Variants in SYT1 observed in about 807,000 individuals in gnomAD.
SYT1 encodes synaptotagmin-1.
SYT1 carries 8 observed loss-of-function variants against 44.8 expected under a neutral mutation model. The observed-to-expected ratio is 0.18, with a 90% CI of 0.10 to 0.32. The LOEUF (loss-of-function observed/expected upper bound fraction) is 0.32, where lower values mean the gene tolerates loss of function less well. Ranked by LOEUF, SYT1 falls within the 10% of genes least tolerant of loss-of-function variation. The pLI is 1.00. For synonymous variants in SYT1, 154 were observed against 188.8 expected (o/e 0.82, Z 1.51); for missense variants, 286 against 509.3 (o/e 0.56, Z 4.22).
chr12:79,336,772 G>A (rs1365744841), intron 8 of SYT1, among the ~76,000 whole-genome samples: 9 of 152,094 alleles, frequency 5.9e-5, no homozygotes, highest in East Asian at 1.9e-4. Flanking sequence ...TGGGATGACC[G>A]GTGCACACCA....
At chr12:79,397,870 GCT>G (rs1178177473) in intron 9 of SYT1, among the ~76,000 whole-genome samples, 1 of 152,144 alleles carries the variant, frequency 6.6e-6, no homozygotes, top group East Asian at 1.9e-4. Flanking sequence ...TTTCCATCAT[GCT>G]CTCCACTATC....
chr12:79,276,880 A>G (rs1340444613), intron 4 of SYT1, among the ~76,000 whole-genome samples: 2 of 151,822 alleles, frequency 1.3e-5, no homozygotes, highest in Non-Finnish European at 2.9e-5. Context: ...GTGGCATTAC[A>G]TAAAATGTCA....
intron 8 of SYT1, among the ~76,000 whole-genome samples, chr12:79,322,074 G>T (rs1881388541): frequency 6.6e-6 from 1 of 152,152 alleles, no homozygotes; most frequent in African/African-American, 2.4e-5. Context: ...TCAGTATACA[G>T]TCTGGTCAAT....
intron 3 of SYT1, among the ~76,000 whole-genome samples, chr12:79,155,253 C>A (rs1431973313): frequency 1.3e-5 from 2 of 152,060 alleles, no homozygotes; most frequent in African/African-American, 2.4e-5. Flanking sequence ...TAAGAAAAAT[C>A]ATTTTATTGA....
intron 6 of SYT1, among the ~76,000 whole-genome samples, chr12:79,292,573 G>C (rs1343377913): frequency 2.6e-5 from 4 of 152,130 alleles, no homozygotes; most frequent in Non-Finnish European, 5.9e-5. Context: ...TTTGATAAGG[G>C]ATCGAAGATG....
intron 2 of SYT1, among the ~76,000 whole-genome samples, chr12:79,035,263 G>T (rs2137689730): frequency 6.6e-6 from 1 of 151,826 alleles, no homozygotes; most frequent in East Asian, 1.9e-4. Context: ...TCTTAGGCGT[G>T]TATAGAGAAT....
At chr12:78,992,392 A>C (rs144414464) in intron 2 of SYT1, among the ~76,000 whole-genome samples, 84 of 152,316 alleles carry the variant, frequency 5.5e-4, no homozygotes, top group Non-Finnish European at 8.7e-4. Context: ...TACAACTTTA[A>C]ATAGTGCTTC....
intron 9 of SYT1, among the ~76,000 whole-genome samples, chr12:79,421,800 T>C (rs1454366914): frequency 6.6e-6 from 1 of 152,044 alleles, no homozygotes; most frequent in Non-Finnish European, 1.5e-5. Context: ...ATACTTGAAT[T>C]GTAAGTATTC....
At chr12:79,052,713 T>A (rs1276570135) in intron 3 of SYT1, among the ~76,000 whole-genome samples, 1 of 152,098 alleles carries the variant, frequency 6.6e-6, no homozygotes, top group Non-Finnish European at 1.5e-5. Context: ...AACAGACGCT[T>A]CTCAAAAGAA....
intron 3 of SYT1, among the ~76,000 whole-genome samples, chr12:79,142,183 T>A (rs901553172): frequency 3.9e-5 from 6 of 152,172 alleles, no homozygotes; most frequent in African/African-American, 1.4e-4. Context: ...CAGACCAGAG[T>A]TATACCTGGG....
intron 4 of SYT1, among the ~76,000 whole-genome samples, chr12:79,266,461 T>TA (rs966233544): frequency 6.9e-4 from 105 of 152,254 alleles, no homozygotes; most frequent in African/African-American, 2.5e-3. Flanking sequence ...TGTGAAAACC[T>TA]ACAATAGCAA....
At chr12:79,267,403 C>T (rs1423466749) in intron 4 of SYT1, among the ~76,000 whole-genome samples, 1 of 152,050 alleles carries the variant, frequency 6.6e-6, no homozygotes, top group Non-Finnish European at 1.5e-5. Flanking sequence ...AAATTGTTAA[C>T]CAAATTGAAA....
chr12:79,005,830 A>T (rs945177834), intron 2 of SYT1, among the ~76,000 whole-genome samples: 5 of 152,110 alleles, frequency 3.3e-5, no homozygotes, highest in Non-Finnish European at 7.4e-5. Context: ...CATTGAAGGT[A>T]TATATGTCAT....
At chr12:79,201,668 C>A (rs1192806879) in intron 3 of SYT1, among the ~76,000 whole-genome samples, 1 of 152,138 alleles carries the variant, frequency 6.6e-6, no homozygotes, top group African/African-American at 2.4e-5. Flanking sequence ...TAGTTTATAA[C>A]TAGACTGATG....
At chr12:79,339,018 G>A (rs867724429) in intron 8 of SYT1, among the ~76,000 whole-genome samples, 15 of 152,150 alleles carry the variant, frequency 9.9e-5, no homozygotes, top group Admixed American at 3.9e-4. Flanking sequence ...TTATGGCTGC[G>A]TAGTATTCCA....
intron 4 of SYT1, among the ~76,000 whole-genome samples, chr12:79,254,835 T>G (rs1317194223): frequency 1.3e-5 from 2 of 152,170 alleles, no homozygotes; most frequent in Non-Finnish European, 2.9e-5. Context: ...GCAAGAGAAC[T>G]AGAATTAGAA....
chr12:78,906,662 A>T (rs1027083797), intron 1 of SYT1, among the ~76,000 whole-genome samples: 4 of 152,156 alleles, frequency 2.6e-5, no homozygotes, highest in African/African-American at 9.7e-5. Context: ...CAGAGGATTC[A>T]TTCTGCCTGT....
chr12:79,383,066 T>G (rs1166892157), intron 9 of SYT1, among the ~76,000 whole-genome samples: 1 of 152,232 alleles, frequency 6.6e-6, no homozygotes, highest in African/African-American at 2.4e-5. Context: ...TTATAGTGCT[T>G]TGTGGAACAG....
At chr12:79,247,221 A>G (rs1325357141) in intron 4 of SYT1, among the ~76,000 whole-genome samples, 1 of 152,198 alleles carries the variant, frequency 6.6e-6, no homozygotes, top group East Asian at 1.9e-4. Flanking sequence ...TTCAAAAGTC[A>G]AGTATGATGA....
Sources: gnomAD v4.1 joint callset for allele counts (sites outside exome capture counted in the v4.1 genomes callset) on GRCh38, gnomAD v4.1.1 for gene constraint, MANE v1.5 for transcripts, NCBI Gene and HGNC (gene_info 2026-07-23, HGNC 2026-07-21) for gene names.